The following DCDC2 variants were observed in gnomAD, a reference collection of about 807,000 sequenced individuals.
DCDC2 encodes the protein doublecortin domain-containing protein 2.
DCDC2 carries 40 observed loss-of-function variants against 50.2 expected under a neutral mutation model. That is an observed-to-expected ratio of 0.80 (90% CI 0.62 to 1.04). The LOEUF (loss-of-function observed/expected upper bound fraction) is 1.04. Ranked by LOEUF, DCDC2 falls within the 50% of genes least tolerant of loss-of-function variation. The pLI is 0.00. For synonymous variants in DCDC2, 234 were observed against 210.6 expected (o/e 1.11, Z -0.96); for missense variants, 570 against 581.9 (o/e 0.98, Z 0.21).
rs544959947 is a variant in DCDC2 at position 24,172,120 on chromosome 6, T to G, written c.*2610A>C. On this transcript the variant is annotated 3_prime_UTR_variant, in exon 10 of 10. Coordinates refer to ENST00000378454, the MANE Select transcript of DCDC2 (RefSeq NM_016356.5). ...ATTCTCCACAGAGAAAACTGCCACA[T>G]TTGTGAGGTGAATGAACTTTCAGCA... 1 of 152,312 alleles carries G rather than the reference T, an allele frequency of 6.6e-6. No homozygotes were observed. Among genetic ancestry groups the G allele is most frequent in the Admixed American group, 6.5e-5 (1 of 15,302 alleles). 9.4% of individuals were successfully genotyped at this position (152,312 alleles called of 1,614,324 possible). A position where few individuals can be genotyped will look rare whatever the true frequency, so the allele number is the denominator to read the frequency against.
chr6:24,372,459 A>C, the DCDC2 span, among the ~76,000 whole-genome samples: 5 of 152,098 alleles, frequency 3.3e-5, no homozygotes, highest in Non-Finnish European at 5.9e-5. Flanking sequence ...ATAAAGACAC[A>C]TGCACAGGTA....
chr6:24,301,979 C>T lies in DCDC2; in HGVS notation c.414G>A (p.Pro138=), dbSNP rs145717239. The T allele has an allele frequency of 1.4e-5, 23 of 1,613,930 alleles. No homozygotes were observed. The highest frequency in any genetic ancestry group is 6.7e-5 in the East Asian group (3 of 44,876). Residue 138 remains proline (P), a synonymous_variant, in exon 3 of 10, where the codon CCG becomes CCA. Coordinates refer to ENST00000378454, the MANE Select transcript of DCDC2 (RefSeq NM_016356.5). ...GGGTTTCAACTTACAAGATAGTGCA[C>T]GGCTCCTGAAGCGGTTTTCTAAAGC... ...SARFRKPLQE[P]CTIFLIANGD...
At chr6:24,357,088 A>G (rs1431370527) in intron 1 of DCDC2, 2 of 175,586 alleles carry the variant, frequency 1.1e-5, no homozygotes, top group African/African-American at 2.4e-5. Context: ...GTTTATTTAA[A>G]TTAAAAGGAT....
At chr6:24,370,930 GA>G in the DCDC2 span, among the ~76,000 whole-genome samples, 11 of 151,904 alleles carry the variant, frequency 7.2e-5, 1 homozygote, top group African/African-American at 2.4e-4. Flanking sequence ...AATACAGAAG[GA>G]AAAAAACCCT....
chr6:24,178,483 A>G lies in DCDC2; in HGVS notation c.1173T>C (p.Ile391=), dbSNP rs1387086611. Residue 391 remains isoleucine (I), a synonymous_variant, in exon 9 of 10, where the codon ATT becomes ATC. Transcript: ENST00000378454. ...ATDAPEQVEE[I]LDHSEQQARP... ...GTGCCTGCTGCTCACTGTGATCCAG[A>G]ATCTCCTCGACTTGCTCAGGGGCAT... 1.8e-5 allele frequency: 29 copies of G among 1,613,940 alleles called. No homozygotes were observed. The highest frequency in any genetic ancestry group is 2.2e-5 in the Non-Finnish European group (26 of 1,180,020).
intron 4 of DCDC2, among the ~76,000 whole-genome samples, chr6:24,295,439 T>C (rs1003042001): frequency 6.6e-6 from 1 of 152,108 alleles, no homozygotes; most frequent in Non-Finnish European, 1.5e-5. Flanking sequence ...GCCACTCCTA[T>C]TCAACATAGT....
At position 24,221,321 on chromosome 6, in the gene DCDC2, GT is replaced by G. The variant is rs1762113881; in HGVS notation, c.923-16220del. On this transcript the variant is annotated intron_variant, in intron 7 of 9. Transcript: ENST00000378454. ...AGACCCCTCAACCCCAAAGGGACTC[GT>G]GATGTCTGCTCACTTGCCTGTCCTC... 4.6e-5 allele frequency among the ~76,000 whole-genome samples: 7 copies of G among 152,166 alleles called. No homozygotes were observed. The South Asian group carries it at 1.5e-3, about 32-fold the overall frequency.
chr6:24,267,787 T>C (rs1763156657), intron 7 of DCDC2, among the ~76,000 whole-genome samples: 1 of 152,216 alleles, frequency 6.6e-6, no homozygotes, highest in Admixed American at 6.5e-5. Context: ...AAGGGAACCC[T>C]TGCACTGTAC....
At chr6:24,258,231 A>G (rs1762934590) in intron 7 of DCDC2, among the ~76,000 whole-genome samples, 1 of 152,196 alleles carries the variant, frequency 6.6e-6, no homozygotes, top group Non-Finnish European at 1.5e-5. Flanking sequence ...ACCCTTCCAC[A>G]GCGTGCAAGT....
At chr6:24,188,245 T>G (rs922470285) in intron 8 of DCDC2, among the ~76,000 whole-genome samples, 2 of 152,204 alleles carry the variant, frequency 1.3e-5, no homozygotes, top group African/African-American at 4.8e-5. Flanking sequence ...AAATCACATA[T>G]AATGCAATAT....
intron 7 of DCDC2, among the ~76,000 whole-genome samples, chr6:24,254,795 AGTTT>A: frequency 6.6e-6 from 1 of 150,510 alleles, no homozygotes; most frequent in African/African-American, 2.4e-5. Context: ...ATGCAAGGTT[AGTTT>A]GATATCCCAA....
At chr6:24,238,447 C>T (rs956112583) in intron 7 of DCDC2, among the ~76,000 whole-genome samples, 4 of 151,386 alleles carry the variant, frequency 2.6e-5, no homozygotes, top group African/African-American at 9.7e-5. Flanking sequence ...TACAGGTATG[C>T]ACCACCATGC....
intron 7 of DCDC2, among the ~76,000 whole-genome samples, chr6:24,218,779 C>T (rs1222120676): frequency 6.6e-6 from 1 of 152,196 alleles, no homozygotes; most frequent in Non-Finnish European, 1.5e-5. Flanking sequence ...TGAGCTACTG[C>T]ATCCGGCCTA....
chr6:24,344,406 T>C (rs560997210), intron 2 of DCDC2, among the ~76,000 whole-genome samples: 96 of 152,366 alleles, frequency 6.3e-4, no homozygotes, highest in Non-Finnish European at 1.2e-3. Context: ...TTATTAACTT[T>C]CTCTTTGCTT....
intron 7 of DCDC2, among the ~76,000 whole-genome samples, chr6:24,216,437 T>A (rs186548228): frequency 6.6e-6 from 1 of 152,310 alleles, no homozygotes; most frequent in Admixed American, 6.5e-5. Context: ...CTTGATCTGG[T>A]CACCTAAGTA....
intron 7 of DCDC2, among the ~76,000 whole-genome samples, chr6:24,207,296 CACACACACACAG>C (rs375372158): frequency 1.3e-5 from 2 of 150,058 alleles, no homozygotes; most frequent in African/African-American, 4.9e-5. Flanking sequence ...CTCAGACACA[CACACACACACAG>C]ACACATGCAC....
chr6:24,268,348 G>A (rs554268994), intron 7 of DCDC2, among the ~76,000 whole-genome samples: 4 of 152,202 alleles, frequency 2.6e-5, no homozygotes, highest in South Asian at 4.2e-4. Flanking sequence ...TTAGCTGGAT[G>A]TGGTGGCGCA....
chr6:24,358,081 G>T, upstream of DCDC2: 1 of 767,044 alleles, frequency 1.3e-6, no homozygotes, highest in South Asian at 2.1e-5. Flanking sequence ...GGAAACGCGC[G>T]GGGCCTTCAA....
At chr6:24,372,351 G>A in the DCDC2 span, among the ~76,000 whole-genome samples, 1 of 151,876 alleles carries the variant, frequency 6.6e-6, no homozygotes, top group African/African-American at 2.4e-5. Context: ...CCCGGGAGGC[G>A]GAGCTTGTAG....
Sources: gnomAD v4.1 joint callset for allele counts (sites outside exome capture counted in the v4.1 genomes callset) on GRCh38, gnomAD v4.1.1 for gene constraint, MANE v1.5 for transcripts, NCBI Gene and HGNC (gene_info 2026-07-23, HGNC 2026-07-21) for gene names.